The following ACYP2 variants were observed in gnomAD, a reference collection of about 807,000 sequenced individuals.
ACYP2 encodes acylphosphatase-2.
In ACYP2, 12 loss-of-function variants were observed where a neutral mutation model predicts 11.2. The observed-to-expected ratio is 1.08, with a 90% CI of 0.69 to 1.74. ACYP2 has a LOEUF of 1.74. Among genes scored for constraint, ACYP2 ranks in the 40% most tolerant of loss-of-function variants. The probability of loss-of-function intolerance (pLI) is 0.00; values close to 1 mark genes in which losing one functional copy is unlikely to be tolerated. For missense variants in ACYP2, 134 were observed against 101.9 expected (o/e 1.31, Z -1.35); for synonymous variants, 43 against 32.2 (o/e 1.33, Z -1.13).
intron 6 of ACYP2, among the ~76,000 whole-genome samples, chr2:54,249,168 T>C (rs1250867707): frequency 1.3e-5 from 2 of 152,026 alleles, no homozygotes; most frequent in African/African-American, 4.8e-5. Context: ...ACTTTGTCAA[T>C]AGTGTAAATG....
intron 2 of ACYP2, among the ~76,000 whole-genome samples, chr2:54,015,570 C>A (rs2104540943): frequency 1.3e-5 from 2 of 151,374 alleles, no homozygotes; most frequent in South Asian, 4.2e-4. Context: ...ATCACCTGAG[C>A]CTGGGGAGGT....
intron 6 of ACYP2, among the ~76,000 whole-genome samples, chr2:54,147,754 GC>G (rs1277055417): frequency 6.6e-6 from 1 of 152,008 alleles, no homozygotes; most frequent in Non-Finnish European, 1.5e-5. Flanking sequence ...TCAACTCCTG[GC>G]CTCAAGTGAT....
At chr2:53,983,108 CA>C (rs1671851048) in intron 2 of ACYP2, among the ~76,000 whole-genome samples, 1 of 152,038 alleles carries the variant, frequency 6.6e-6, no homozygotes, top group Non-Finnish European at 1.5e-5. Context: ...TTATGTAGAA[CA>C]GGGGTACCTG....
chr2:53,973,083 G>T (rs943179716), intron 1 of ACYP2, among the ~76,000 whole-genome samples: 5 of 147,550 alleles, frequency 3.4e-5, no homozygotes, highest in Non-Finnish European at 7.5e-5. Context: ...GAGAGAGGAG[G>T]AGTTCTAGGA....
At chr2:54,188,923 C>G (rs1684123270) in intron 6 of ACYP2, among the ~76,000 whole-genome samples, 1 of 152,210 alleles carries the variant, frequency 6.6e-6, no homozygotes, top group Admixed American at 6.5e-5. Context: ...TCCGCTCGTA[C>G]TCTGGATCCT....
At chr2:53,973,022 GGACA>G (rs1419391831) in intron 1 of ACYP2, among the ~76,000 whole-genome samples, 1 of 152,124 alleles carries the variant, frequency 6.6e-6, no homozygotes, top group East Asian at 1.9e-4. Context: ...CCACATTTAA[GGACA>G]GACAGAGAAA....
intron 4 of ACYP2, among the ~76,000 whole-genome samples, chr2:54,096,188 T>C (rs1486760762): frequency 1.4e-4 from 20 of 140,266 alleles, no homozygotes; most frequent in African/African-American, 5.6e-4. Flanking sequence ...GGCTCCTCAC[T>C]TCTCAGACGG....
intron 6 of ACYP2, among the ~76,000 whole-genome samples, chr2:54,201,110 T>C (rs1325771822): frequency 2.5e-4 from 20 of 81,352 alleles, no homozygotes; most frequent in Admixed American, 2.0e-4. Context: ...CTCTCTCTCT[T>C]TTTTTTTTTT....
chr2:54,016,320 C>T (rs574949888), intron 2 of ACYP2, among the ~76,000 whole-genome samples: 1 of 151,964 alleles, frequency 6.6e-6, no homozygotes, highest in East Asian at 1.9e-4. Context: ...CAATACAGTG[C>T]ATATATTAGT....
chr2:54,139,592 C>G (rs890152111), intron 6 of ACYP2, among the ~76,000 whole-genome samples: 2 of 152,138 alleles, frequency 1.3e-5, no homozygotes, highest in African/African-American at 4.8e-5. Context: ...TGCTAAGTAC[C>G]TTGTATGAAT....
At chr2:54,233,406 C>G (rs1291916665) in intron 6 of ACYP2, among the ~76,000 whole-genome samples, 2 of 150,758 alleles carry the variant, frequency 1.3e-5, no homozygotes, top group Non-Finnish European at 2.9e-5. Flanking sequence ...ATGTGATTCT[C>G]CAGCTTTAGC....
chr2:54,291,813 T>C (rs1280203613), intron 6 of ACYP2, among the ~76,000 whole-genome samples: 3 of 152,120 alleles, frequency 2.0e-5, no homozygotes, highest in Admixed American at 1.3e-4. Context: ...ATTCCCCTAA[T>C]AGGCCTATCA....
At chr2:54,012,864 G>A (rs2104538074) in intron 2 of ACYP2, among the ~76,000 whole-genome samples, 1 of 152,094 alleles carries the variant, frequency 6.6e-6, no homozygotes, top group African/African-American at 2.4e-5. Flanking sequence ...CAGAGTGAAA[G>A]CTGGTGTTCA....
intron 6 of ACYP2, among the ~76,000 whole-genome samples, chr2:54,244,995 T>C (rs1441800100): frequency 1.3e-5 from 2 of 152,196 alleles, no homozygotes; most frequent in African/African-American, 2.4e-5. Context: ...TGTACAGCTG[T>C]AATTTTGTGT....
chr2:53,981,075 A>C (rs1212231869), intron 2 of ACYP2, among the ~76,000 whole-genome samples: 1 of 152,032 alleles, frequency 6.6e-6, no homozygotes, highest in Non-Finnish European at 1.5e-5. Context: ...TTTATCTTTT[A>C]TACTGTATTT....
At chr2:53,985,192 C>T (rs1671975251) in intron 2 of ACYP2, among the ~76,000 whole-genome samples, 1 of 151,866 alleles carries the variant, frequency 6.6e-6, no homozygotes, top group Non-Finnish European at 1.5e-5. Context: ...GCCTCAGCCT[C>T]CCGAGTAGCT....
At chr2:54,162,607 T>A (rs1001034680) in intron 6 of ACYP2, among the ~76,000 whole-genome samples, 1 of 152,012 alleles carries the variant, frequency 6.6e-6, no homozygotes, top group Non-Finnish European at 1.5e-5. Context: ...CCCAACAATC[T>A]GTTTTGAAAG....
At chr2:54,196,357 C>G (rs1159408068) in intron 6 of ACYP2, among the ~76,000 whole-genome samples, 2 of 152,100 alleles carry the variant, frequency 1.3e-5, no homozygotes. Context: ...GGACTACAGA[C>G]TTAACCTATT....
rs561094471 is a variant in ACYP2 at position 54,062,233 on chromosome 2, G to A, written c.277+4873G>A. On this transcript the variant is annotated intron_variant, in intron 4 of 6. Transcript: ENST00000607452. ...ATGGGTTCTCTGGACCTGGGGTAGA[G>A]CTTGGGCTTGAACGACTCCCTTGCT... Among the ~76,000 whole-genome samples, 30 of 152,252 alleles carry A rather than the reference G, an allele frequency of 2.0e-4. No homozygotes were observed. In the South Asian group the frequency reaches 5.6e-3, roughly 28 times the overall value.
Sources: allele counts gnomAD v4.1 joint callset (sites outside exome capture counted in the v4.1 genomes callset), GRCh38; gene constraint gnomAD v4.1.1; transcripts MANE v1.5; gene names NCBI Gene and HGNC (gene_info 2026-07-23, HGNC 2026-07-21).